NT5DC3: variants seen among roughly 807,000 people sequenced by gnomAD.
NT5DC3 encodes the protein 5'-nucleotidase domain containing 3, also known as 5'-nucleotidase domain-containing protein 3.
NT5DC3 carries 42 observed loss-of-function variants against 67.8 expected under a neutral mutation model. The ratio of observed to expected loss-of-function variants is 0.62; its 90% CI spans 0.48 to 0.80. NT5DC3 has a LOEUF of 0.80. Ranked by LOEUF, NT5DC3 falls within the 30% of genes least tolerant of loss-of-function variation. The pLI, the probability that NT5DC3 is intolerant of heterozygous loss-of-function variation, is 0.00. For missense variants in NT5DC3, 570 were observed against 696.4 expected (o/e 0.82, Z 2.04); for synonymous variants, 237 against 255.6 (o/e 0.93, Z 0.69).
Position 103,806,382 on chromosome 12 carries a change from A to G in NT5DC3, c.469-5T>C, listed in dbSNP as rs781728212. 1 of 1,588,634 alleles carries G rather than the reference A, an allele frequency of 6.3e-7. No homozygotes were observed. The highest frequency in any genetic ancestry group is 1.7e-5 in the Admixed American group (1 of 59,996). On this transcript the variant is annotated splice_region_variant and splice_polypyrimidine_tract_variant and intron_variant, in intron 3 of 13. Coordinates refer to ENST00000392876, the MANE Select transcript of NT5DC3 (RefSeq NM_001031701.3). Reference sequence around the variant, plus strand: ...ATCGATCTTCATTAATACTGCCTTTAAAAACATAAACATATGCACATGTAA... The same window carrying G: ...ATCGATCTTCATTAATACTGCCTTTGAAAACATAAACATATGCACATGTAA...
intron 9 of NT5DC3, among the ~76,000 whole-genome samples, chr12:103,791,341 T>C (rs79070978): frequency 6.6e-6 from 1 of 151,702 alleles, no homozygotes; most frequent in East Asian, 1.9e-4. Flanking sequence ...ACTAAGAAAA[T>C]GGTGAGGGCA....
chr12:103,791,981 T>C (rs1010955676), intron 9 of NT5DC3, among the ~76,000 whole-genome samples: 2 of 152,232 alleles, frequency 1.3e-5, no homozygotes, highest in African/African-American at 4.8e-5. Context: ...GGGGACCCTG[T>C]GCCATAGGAT....
rs376961953 is a variant in NT5DC3, at chr12:103,828,696, C to CTTTT, written c.208+12249_208+12252dup. Reference sequence around the variant, plus strand: ...TACCACTCTCCTGCATTTTTTCTTTCTTTTTATTTTTTTTTTTTGGAGACG... The same window carrying CTTTT: ...TACCACTCTCCTGCATTTTTTCTTTCTTTTTTTTTATTTTTTTTTTTTGGAGACG... On this transcript the variant is annotated intron_variant, in intron 1 of 13. Coordinates refer to ENST00000392876, the MANE Select transcript of NT5DC3 (RefSeq NM_001031701.3). Among the ~76,000 whole-genome samples the CTTTT allele has an allele frequency of 1.5e-4, 20 of 136,346 alleles. 2 individuals carry two copies. Among genetic ancestry groups the CTTTT allele is most frequent in the South Asian group, 2.4e-4 (1 of 4,184 alleles). 89.4% of individuals were successfully genotyped at this position (136,346 alleles called of 152,430 possible).
intron 12 of NT5DC3, among the ~76,000 whole-genome samples, chr12:103,784,854 T>C (rs950152368): frequency 6.6e-6 from 1 of 152,222 alleles, no homozygotes; most frequent in Non-Finnish European, 1.5e-5. Context: ...CTGCAGGTAT[T>C]ATCCTCAGAA....
intron 4 of NT5DC3, among the ~76,000 whole-genome samples, chr12:103,803,868 C>CCG (rs776866822): frequency 1.4e-5 from 2 of 148,030 alleles, no homozygotes; most frequent in African/African-American, 2.5e-5. Context: ...CACCCCCCCC[C>CCG]CAAAAAAATG....
the NT5DC3 span, among the ~76,000 whole-genome samples, chr12:103,765,108 AAAAG>A: frequency 7.0e-6 from 1 of 142,284 alleles, no homozygotes; most frequent in South Asian, 2.4e-4. Context: ...AAAAAAAAAA[AAAAG>A]GGAGGTGGTA....
the NT5DC3 span, among the ~76,000 whole-genome samples, chr12:103,760,642 G>A: frequency 1.3e-5 from 2 of 152,166 alleles, no homozygotes; most frequent in Non-Finnish European, 2.9e-5. Flanking sequence ...AGATGACCGT[G>A]GGGGTAGCGG....
chr12:103,758,256 T>C, the NT5DC3 span: 1 of 1,614,098 alleles, frequency 6.2e-7, no homozygotes, highest in East Asian at 2.2e-5. Flanking sequence ...GCACCCTCTT[T>C]GTGCCACAGA....
downstream of NT5DC3, chr12:103,766,478 G>A: frequency 4.1e-6 from 4 of 973,294 alleles, no homozygotes; most frequent in Non-Finnish European, 6.0e-6. Flanking sequence ...TGATCTGGGG[G>A]TTGTTTCTGT....
At chr12:103,833,900 A>G (rs1888037977) in intron 1 of NT5DC3, among the ~76,000 whole-genome samples, 1 of 152,196 alleles carries the variant, frequency 6.6e-6, no homozygotes, top group South Asian at 2.1e-4. Flanking sequence ...AACAGAAAAG[A>G]AGAGACCACA....
chr12:103,824,977 T>C (rs1887631664), intron 1 of NT5DC3, among the ~76,000 whole-genome samples: 1 of 152,014 alleles, frequency 6.6e-6, no homozygotes, highest in Non-Finnish European at 1.5e-5. Context: ...GGGCACCACA[T>C]GGGGATTATA....
At chr12:103,797,625 A>G (rs2139358295) in intron 5 of NT5DC3, among the ~76,000 whole-genome samples, 1 of 151,982 alleles carries the variant, frequency 6.6e-6, no homozygotes, top group South Asian at 2.1e-4. Context: ...TCCTGTGCTC[A>G]CTCCCATTTC....
intron 2 of NT5DC3, among the ~76,000 whole-genome samples, chr12:103,811,675 C>A (rs990974777): frequency 2.6e-5 from 4 of 152,030 alleles, no homozygotes; most frequent in Admixed American, 2.0e-4. Context: ...TCGATAAAAA[C>A]CAAAAATATG....
In NT5DC3 at chr12:103,825,983, T is replaced by C. The variant is rs188879143; in HGVS notation, c.209-10862A>G. On this transcript the variant is annotated intron_variant, in intron 1 of 13. Transcript: ENST00000392876. ...ATCCCTCATATGCAGATGGGGAAAA[T>C]AAGGCTAAGCAGCAGCTGGCCCAAA... 2.7e-4 allele frequency among the ~76,000 whole-genome samples: 41 copies of C among 152,052 alleles called. No individual in the cohort carries two copies. The East Asian group carries it at 7.5e-3, about 28-fold the overall frequency.
chr12:103,793,948 T>C lies in NT5DC3; in HGVS notation c.803A>G (p.Glu268Gly). 1 of 1,612,580 alleles carries C rather than the reference T, an allele frequency of 6.2e-7. No homozygotes were observed. Among genetic ancestry groups the C allele is most frequent in the Non-Finnish European group, 8.5e-7 (1 of 1,178,582 alleles). The change falls in exon 7 of 14, where the codon GAA (glutamate) becomes GGA (glycine). Residue 268 changes from glutamate to glycine, a missense_variant. This residue lies in a region of NT5DC3 where 466 missense variants were observed against 608.0 expected (regional missense o/e 0.77). Coordinates refer to ENST00000392876, the MANE Select transcript of NT5DC3 (RefSeq NM_001031701.3). ...HIKGIMYRAI[E>G]ADIEKYICYA... ...TGCTGAGCACATACCAATGTCTGCTTCAATTGCTCTGTACATTATTCCTTT... is the reference window on the plus strand; with the variant it reads ...TGCTGAGCACATACCAATGTCTGCTCCAATTGCTCTGTACATTATTCCTTT...
rs1885273282 is a variant in NT5DC3, at chr12:103,774,454, G to A, written c.*3375C>T. The stretch of plus-strand genomic sequence containing the variant: ...CCCAGCACCTTGGGAGGCCAAGGCA[G>A]GTGGATTACCCAAGGTCAGGAGTTC... On this transcript the variant is annotated 3_prime_UTR_variant, in exon 14 of 14. Transcript: ENST00000392876. The A allele has an allele frequency of 1.3e-5, 2 of 152,340 alleles. No homozygotes were observed. Among genetic ancestry groups the A allele is most frequent in the East Asian group, 1.9e-4 (1 of 5,184 alleles). 9.4% of individuals were successfully genotyped at this position (152,340 alleles called of 1,614,324 possible).
chr12:103,762,922 G>A, the NT5DC3 span, among the ~76,000 whole-genome samples: 1 of 152,136 alleles, frequency 6.6e-6, no homozygotes, highest in South Asian at 2.1e-4. Flanking sequence ...AATATGGCCG[G>A]GGCAGCAGCA....
chr12:103,756,653 C>T, the NT5DC3 span, among the ~76,000 whole-genome samples: 10,897 of 152,106 alleles, frequency 0.072, 436 homozygotes, highest in South Asian at 0.13. Flanking sequence ...CTTTCGAGTA[C>T]GGAACAAGGA....
the NT5DC3 span, chr12:103,750,783 T>G: frequency 6.5e-7 from 1 of 1,527,280 alleles, no homozygotes; most frequent in South Asian, 1.2e-5. Flanking sequence ...GAAGGGACCC[T>G]CAAGGGAAAG....
Sources: allele counts gnomAD v4.1 joint callset (sites outside exome capture counted in the v4.1 genomes callset), GRCh38; gene constraint gnomAD v4.1.1; regional missense constraint gnomAD v4.1.1; transcripts MANE v1.5; gene names NCBI Gene and HGNC (gene_info 2026-07-23, HGNC 2026-07-21).